Variants in TPM1 observed in about 807,000 individuals in gnomAD.
The protein encoded by TPM1 is tropomyosin 1.
TPM1 carries 24 observed loss-of-function variants against 42.9 expected under a neutral mutation model. The observed-to-expected ratio is 0.56, with a 90% CI of 0.41 to 0.79. The LOEUF (loss-of-function observed/expected upper bound fraction) is 0.79, where lower values mean the gene tolerates loss of function less well. TPM1 is among the 30% of genes least tolerant of loss of function. The pLI, the probability that TPM1 is intolerant of heterozygous loss-of-function variation, is 0.00. For synonymous variants in TPM1, 136 were observed against 130.1 expected (o/e 1.05, Z -0.31); for missense variants, 158 against 351.8 (o/e 0.45, Z 4.41).
chr15:63,043,739 C>T (rs1344218940), intron 1 of TPM1: 2 of 1,549,072 alleles, frequency 1.3e-6, no homozygotes, highest in African/African-American at 2.7e-5. Flanking sequence ...GGAGAAGTTG[C>T]TGCGGGTGTC....
downstream of TPM1, among the ~76,000 whole-genome samples, chr15:63,068,548 C>G (rs1380862974): frequency 6.6e-6 from 1 of 152,172 alleles, no homozygotes; most frequent in Admixed American, 6.5e-5. Flanking sequence ...CACATTTTCC[C>G]TAGGGGTAGG....
chr15:63,063,408 CA>C lies in TPM1; in HGVS notation c.773-651del, dbSNP rs1253726746. 32 of 981,628 alleles carry C rather than the reference CA, an allele frequency of 3.3e-5. No individual in the cohort carries two copies. The East Asian group carries it at 1.0e-3, about 31-fold the overall frequency. 60.8% of individuals were successfully genotyped at this position (981,628 alleles called of 1,614,324 possible). On this transcript the variant is annotated intron_variant, in intron 8 of 9. Transcript: ENST00000403994. ...GCAAAGTATGAAACCTGCAGCATTACAAAAACTAAGTTGCAGACTTGCCATA... is the reference window on the plus strand; with the variant it reads ...GCAAAGTATGAAACCTGCAGCATTACAAAACTAAGTTGCAGACTTGCCATA...
At chr15:63,061,127 G>T in intron 5 of TPM1, 188 bp downstream of exon 5, 1 of 1,515,038 alleles carries the variant, frequency 6.6e-7, no homozygotes, top group Non-Finnish European at 9.2e-7. Context: ...ATGAATGCGT[G>T]TATCACTGCA....
intron 2 of TPM1, chr15:63,048,490 G>T (rs2032990411): frequency 1.2e-5 from 18 of 1,447,148 alleles, no homozygotes; most frequent in African/African-American, 4.5e-5. Context: ...GCGCTGGGCA[G>T]CCAGGACAGC....
At chr15:63,049,582 A>C (rs778539722) in intron 2 of TPM1, among the ~76,000 whole-genome samples, 1 of 152,278 alleles carries the variant, frequency 6.6e-6, no homozygotes, top group East Asian at 1.9e-4. Flanking sequence ...TACTGAAACA[A>C]ACACCTTGGG....
intron 2 of TPM1, chr15:63,048,422 T>C: frequency 1.5e-6 from 2 of 1,350,302 alleles, no homozygotes; most frequent in Non-Finnish European, 1.9e-6. Context: ...ACTTCCGGAC[T>C]GCTCCTGGCC....
chr15:63,048,623 C>G (rs2033049287), intron 2 of TPM1: 1 of 1,535,702 alleles, frequency 6.5e-7, no homozygotes, highest in Non-Finnish European at 8.8e-7. Context: ...AGATCCGGAG[C>G]CTGCAGGAGC....
chr15:63,059,707 T>C (rs1454429501), intron 4 of TPM1, 27 bp downstream of exon 4: 1 of 1,541,538 alleles, frequency 6.5e-7, no homozygotes, highest in Non-Finnish European at 8.9e-7. Flanking sequence ...CAAAGCCTTG[T>C]GGACACCCAG....
At chr15:63,048,543 T>G in intron 2 of TPM1, 1 of 1,515,704 alleles carries the variant, frequency 6.6e-7, no homozygotes, top group Non-Finnish European at 8.8e-7. Flanking sequence ...CCTCTCCCAC[T>G]GCAGCCCTCC....
intron 3 of TPM1, among the ~76,000 whole-genome samples, chr15:63,058,671 C>T (rs1481369385): frequency 2.6e-5 from 4 of 151,958 alleles, no homozygotes; most frequent in South Asian, 2.1e-4. Flanking sequence ...ATCACACCAC[C>T]GCACTCCAAC....
downstream of TPM1, chr15:63,070,254 C>T (rs2036530200): frequency 8.6e-7 from 1 of 1,163,760 alleles, no homozygotes; most frequent in Non-Finnish European, 1.1e-6. Flanking sequence ...AAAATGTTTT[C>T]TATTTCCTGA....
exon 9 of TPM1, chr15:63,071,478 A>G (rs555814747): frequency 1.1e-5 from 4 of 375,826 alleles, no homozygotes; most frequent in South Asian, 4.3e-5. Context: ...CAAAGTGCCA[A>G]TGATAGAGTC....
intron 2 of TPM1, chr15:63,048,129 C>T (rs1339490990): frequency 1.9e-5 from 8 of 431,558 alleles, no homozygotes; most frequent in Admixed American, 1.8e-4. Context: ...CGGAGCGCTC[C>T]CGCGGCCAGC....
At chr15:63,059,022 G>T (rs762856614) in intron 3 of TPM1, among the ~76,000 whole-genome samples, 1 of 152,166 alleles carries the variant, frequency 6.6e-6, no homozygotes, top group Non-Finnish European at 1.5e-5. Context: ...TTACTTGTCT[G>T]AAATGGTCAA....
At chr15:63,070,306 ATG>A (rs1555411994), downstream of TPM1, 605 of 672,324 alleles carry the variant, frequency 9.0e-4, 1 homozygote, top group Non-Finnish European at 9.7e-4. Flanking sequence ...ATATATATAT[ATG>A]TGTGTGTGTG....
chr15:63,071,711 C>T (rs1457403871), exon 9 of TPM1: 1 of 169,486 alleles, frequency 5.9e-6, no homozygotes, highest in Non-Finnish European at 1.3e-5. Context: ...CCGAGACTTC[C>T]ATTCCTTTCT....
At chr15:63,070,175 A>G (rs757526232), downstream of TPM1, 30 of 1,335,294 alleles carry the variant, frequency 2.2e-5, no homozygotes, top group Middle Eastern at 3.0e-4. Context: ...ACTTATATCA[A>G]TTCAGCACTG....
intron 2 of TPM1, among the ~76,000 whole-genome samples, chr15:63,052,182 A>G (rs1031199745): frequency 2.0e-5 from 3 of 152,208 alleles, no homozygotes; most frequent in African/African-American, 7.2e-5. Flanking sequence ...CTAGCATCCC[A>G]GATTGAAAGA....
downstream of TPM1, chr15:63,070,306 ATGTGTGTGTG>A: frequency 4.4e-6 from 3 of 674,210 alleles, no homozygotes; most frequent in Non-Finnish European, 5.5e-6. Flanking sequence ...ATATATATAT[ATGTGTGTGTG>A]TGTGTGTGTG....
Sources: gnomAD v4.1 joint callset for allele counts (sites outside exome capture counted in the v4.1 genomes callset) on GRCh38, gnomAD v4.1.1 for gene constraint, MANE v1.5 for transcripts, NCBI Gene and HGNC (gene_info 2026-07-23, HGNC 2026-07-21) for gene names.